The following ZNF407 variants were observed in gnomAD, a reference collection of about 807,000 sequenced individuals.
ZNF407 encodes the protein zinc finger protein 407.
A neutral mutation model predicts 131.2 loss-of-function variants in ZNF407; 17 were observed. The observed-to-expected ratio is 0.13, with a 90% confidence interval of 0.09 to 0.19. ZNF407 has a LOEUF of 0.19. Among genes scored for constraint, ZNF407 ranks in the 10% least tolerant of loss-of-function variants. ZNF407 has a pLI of 1.00. For missense variants in ZNF407, 2,681 were observed against 2,830.6 expected (o/e 0.95, Z 1.20); for synonymous variants, 1,156 against 1,062.0 (o/e 1.09, Z -1.72).
intron 3 of ZNF407, among the ~76,000 whole-genome samples, chr18:74,745,148 T>C (rs1968638855): frequency 6.6e-6 from 1 of 152,092 alleles, no homozygotes; most frequent in Non-Finnish European, 1.5e-5. Context: ...TTAAGATCAG[T>C]TTTAAAAAGG....
At chr18:74,964,760 T>G (rs1972391463) in intron 8 of ZNF407, among the ~76,000 whole-genome samples, 1 of 152,214 alleles carries the variant, frequency 6.6e-6, no homozygotes, top group African/African-American at 2.4e-5. Context: ...TTCTTGCTTT[T>G]TGATCCATAG....
At chr18:74,600,689 G>A (rs187853740) in intron 1 of ZNF407, among the ~76,000 whole-genome samples, 1 of 152,326 alleles carries the variant, frequency 6.6e-6, no homozygotes, top group African/African-American at 2.4e-5. Context: ...ACTGGGCAAA[G>A]AGATAAAGAG....
At chr18:74,927,509 G>T (rs1049286690) in intron 8 of ZNF407, among the ~76,000 whole-genome samples, 12 of 152,190 alleles carry the variant, frequency 7.9e-5, no homozygotes, top group African/African-American at 2.9e-4. Flanking sequence ...ACGGATGGAT[G>T]GAGTCAAATG....
intron 1 of ZNF407, among the ~76,000 whole-genome samples, chr18:74,625,600 C>A (rs142062109): frequency 2.7e-4 from 41 of 152,254 alleles, no homozygotes; most frequent in African/African-American, 9.4e-4. Context: ...AACATTGTAT[C>A]TATCTATATA....
At chr18:74,681,732 C>G (rs1303505664) in intron 3 of ZNF407, among the ~76,000 whole-genome samples, 1 of 152,124 alleles carries the variant, frequency 6.6e-6, no homozygotes, top group East Asian at 1.9e-4. Flanking sequence ...CATATTTTGT[C>G]AGACAGGACT....
chr18:74,744,190 C>G (rs1234157598), intron 3 of ZNF407, among the ~76,000 whole-genome samples: 1 of 152,132 alleles, frequency 6.6e-6, no homozygotes, highest in Admixed American at 6.5e-5. Context: ...TATGTGTCAT[C>G]TACTTCGCTG....
At position 74,832,759 on chromosome 18, in the gene ZNF407, T is replaced by C. The variant is rs1970503108; in HGVS notation, c.4878-44438T>C. Among the ~76,000 whole-genome samples, 2 of 152,242 alleles carry C rather than the reference T, an allele frequency of 1.3e-5. 1 individual carries two copies. The highest frequency in any genetic ancestry group is 4.1e-4 in the South Asian group (2 of 4,832). On this transcript the variant is annotated intron_variant, in intron 4 of 8. Transcript: ENST00000299687. Reference sequence around the variant, plus strand: ...TAACAAGTTACTATAGTTGAGTGGATTGTCTTTTATGACTTTATGACCTGT... The same window carrying C: ...TAACAAGTTACTATAGTTGAGTGGACTGTCTTTTATGACTTTATGACCTGT...
chr18:74,622,431 C>T (rs1421330246), intron 1 of ZNF407, among the ~76,000 whole-genome samples: 1 of 152,220 alleles, frequency 6.6e-6, no homozygotes, highest in Non-Finnish European at 1.5e-5. Context: ...CCTGCCTGTC[C>T]GGCCTTGCCC....
chr18:74,779,202 G>A (rs537504949), intron 3 of ZNF407, among the ~76,000 whole-genome samples: 209 of 141,268 alleles, frequency 1.5e-3, no homozygotes, highest in African/African-American at 4.7e-3. Flanking sequence ...TGCAAGCTCC[G>A]CCTCCCGGGT....
At chr18:74,643,204 A>G (rs1984803447) in intron 3 of ZNF407, among the ~76,000 whole-genome samples, 1 of 152,148 alleles carries the variant, frequency 6.6e-6, no homozygotes, top group Admixed American at 6.5e-5. Flanking sequence ...TTATACATTG[A>G]CATCACTGAC....
At chr18:74,617,417 G>T (rs1401443384) in intron 1 of ZNF407, among the ~76,000 whole-genome samples, 1 of 152,212 alleles carries the variant, frequency 6.6e-6, no homozygotes, top group Non-Finnish European at 1.5e-5. Flanking sequence ...CTGAGAACAG[G>T]CACTGCAATT....
intron 1 of ZNF407, among the ~76,000 whole-genome samples, chr18:74,611,840 C>T (rs1983071439): frequency 6.6e-6 from 1 of 152,046 alleles, no homozygotes; most frequent in African/African-American, 2.4e-5. Flanking sequence ...AAGGATGGGC[C>T]AGGTTTCTGA....
At chr18:74,734,554 T>C (rs1968366761) in intron 3 of ZNF407, among the ~76,000 whole-genome samples, 1 of 152,182 alleles carries the variant, frequency 6.6e-6, no homozygotes. Context: ...GAGACTGTAA[T>C]GCCATTGCCT....
intron 1 of ZNF407, among the ~76,000 whole-genome samples, chr18:74,624,176 G>T (rs1983688179): frequency 6.6e-6 from 1 of 152,076 alleles, no homozygotes; most frequent in Admixed American, 6.5e-5. Flanking sequence ...CTTTGTTCCG[G>T]GGAGAGCCAG....
At chr18:74,766,936 G>T (rs977927630) in intron 3 of ZNF407, among the ~76,000 whole-genome samples, 1 of 152,014 alleles carries the variant, frequency 6.6e-6, no homozygotes, top group African/African-American at 2.4e-5. Flanking sequence ...TTTTGAGATA[G>T]AGTCTCACTC....
At chr18:74,948,322 G>A (rs573540362) in intron 8 of ZNF407, among the ~76,000 whole-genome samples, 9 of 152,140 alleles carry the variant, frequency 5.9e-5, no homozygotes, top group Admixed American at 1.3e-4. Context: ...GTTAATACAA[G>A]TTGTCCACTG....
At chr18:74,876,771 G>A (rs1024628045) in intron 4 of ZNF407, among the ~76,000 whole-genome samples, 5 of 152,214 alleles carry the variant, frequency 3.3e-5, no homozygotes, top group Admixed American at 6.5e-5. Context: ...GCCGCCGGGT[G>A]CATGCAGGAG....
intron 3 of ZNF407, among the ~76,000 whole-genome samples, chr18:74,780,736 A>C (rs529997908): frequency 2.0e-5 from 3 of 152,146 alleles, no homozygotes; most frequent in Non-Finnish European, 4.4e-5. Flanking sequence ...GACGTAAATA[A>C]ATTGATACTG....
At chr18:74,680,600 G>GT (rs1371449674) in intron 3 of ZNF407, among the ~76,000 whole-genome samples, 6 of 151,866 alleles carry the variant, frequency 4.0e-5, no homozygotes, top group African/African-American at 1.5e-4. Flanking sequence ...CTGTTTTTTT[G>GT]TATGTGTGGT....
Sources: gnomAD v4.1 joint callset for allele counts (sites outside exome capture counted in the v4.1 genomes callset) on GRCh38, gnomAD v4.1.1 for gene constraint, MANE v1.5 for transcripts, NCBI Gene and HGNC (gene_info 2026-07-23, HGNC 2026-07-21) for gene names.